The following GRM7 variants were observed in gnomAD, a reference collection of about 807,000 sequenced individuals.
GRM7 encodes glutamate metabotropic receptor 7, also known as metabotropic glutamate receptor 7.
Under a neutral mutation model 84.5 loss-of-function variants are expected in GRM7, and 35 were observed. The observed-to-expected ratio is 0.41, with a 90% CI of 0.32 to 0.55. The LOEUF (loss-of-function observed/expected upper bound fraction) is 0.55. GRM7 is among the 20% of genes least tolerant of loss of function. The pLI is 0.19. For synonymous variants in GRM7, 487 were observed against 455.1 expected (o/e 1.07, Z -0.89); for missense variants, 1,003 against 1,194.6 (o/e 0.84, Z 2.36).
intron 8 of GRM7, among the ~76,000 whole-genome samples, chr3:7,596,079 G>A (rs138611581): frequency 6.6e-5 from 10 of 152,216 alleles, no homozygotes; most frequent in Non-Finnish European, 1.5e-4. Context: ...GCCTGGGCTG[G>A]AGGAATGAGT....
At chr3:7,276,058 AC>A (rs1699039284) in intron 2 of GRM7, among the ~76,000 whole-genome samples, 1 of 152,032 alleles carries the variant, frequency 6.6e-6, no homozygotes, top group South Asian at 2.1e-4. Flanking sequence ...TTGTCCCATG[AC>A]CTTACTTCTT....
intron 9 of GRM7, among the ~76,000 whole-genome samples, chr3:7,736,732 A>T (rs756933030): frequency 2.0e-5 from 3 of 152,174 alleles, no homozygotes; most frequent in Non-Finnish European, 4.4e-5. Flanking sequence ...CACCTGAATC[A>T]AGATGTCAGT....
intron 9 of GRM7, among the ~76,000 whole-genome samples, chr3:7,713,119 G>T (rs7631498): frequency 0.078 from 4,288 of 55,162 alleles, 150 homozygotes; most frequent in African/African-American, 0.15. Context: ...TTCGAATTTT[G>T]TTTTGTTTTT....
At chr3:6,905,326 G>T (rs1231367403) in intron 1 of GRM7, among the ~76,000 whole-genome samples, 1 of 152,080 alleles carries the variant, frequency 6.6e-6, no homozygotes, top group African/African-American at 2.4e-5. Context: ...TTTGTTATAT[G>T]AAGCTCTGTA....
intron 4 of GRM7, among the ~76,000 whole-genome samples, chr3:7,395,857 C>T (rs987097003): frequency 2.0e-5 from 3 of 152,050 alleles, no homozygotes; most frequent in Non-Finnish European, 2.9e-5. Flanking sequence ...TGTAGGAAGA[C>T]TGTAGTTAAT....
At chr3:7,411,798 C>G (rs137943422) in intron 4 of GRM7, among the ~76,000 whole-genome samples, 57 of 152,260 alleles carry the variant, frequency 3.7e-4, no homozygotes, top group African/African-American at 1.3e-3. Context: ...TGTAAACTTT[C>G]TCTAGTGCAT....
intron 9 of GRM7, among the ~76,000 whole-genome samples, chr3:7,727,082 T>A (rs1341239343): frequency 6.6e-6 from 1 of 152,156 alleles, no homozygotes; most frequent in Non-Finnish European, 1.5e-5. Flanking sequence ...ACTCACAATT[T>A]TCAAACATGT....
intron 1 of GRM7, among the ~76,000 whole-genome samples, chr3:6,886,493 A>C (rs73015894): frequency 0.074 from 11,234 of 152,224 alleles, 560 homozygotes; most frequent in Non-Finnish European, 0.11. Flanking sequence ...TTAAAGTATA[A>C]TAATAGTAAA....
intron 8 of GRM7, among the ~76,000 whole-genome samples, chr3:7,668,242 C>T (rs752858029): frequency 1.1e-4 from 16 of 152,154 alleles, no homozygotes; most frequent in Non-Finnish European, 2.1e-4. Context: ...CACCGAGTAC[C>T]TTTTGCCTTT....
chr3:7,556,940 G>T (rs1693793480), intron 7 of GRM7, among the ~76,000 whole-genome samples: 1 of 152,208 alleles, frequency 6.6e-6, no homozygotes, highest in South Asian at 2.1e-4. Context: ...TCATAGGATT[G>T]CAGCATGTGG....
At chr3:6,918,840 C>G (rs1241406358) in intron 1 of GRM7, among the ~76,000 whole-genome samples, 2 of 152,170 alleles carry the variant, frequency 1.3e-5, no homozygotes, top group Non-Finnish European at 2.9e-5. Flanking sequence ...TTTGGACATA[C>G]TGCACTTCCA....
At chr3:7,161,422 G>GAAAAAAAAA (rs75862127) in intron 2 of GRM7, among the ~76,000 whole-genome samples, 1 of 134,746 alleles carries the variant, frequency 7.4e-6, no homozygotes. Context: ...GTAATGACCT[G>GAAAAAAAAA]AAAAAAAAAA....
intron 7 of GRM7, among the ~76,000 whole-genome samples, chr3:7,501,940 A>G (rs553335711): frequency 1.3e-5 from 2 of 152,294 alleles, no homozygotes; most frequent in South Asian, 2.1e-4. Flanking sequence ...TTTCTATCCT[A>G]CGCAAGAATT....
At chr3:7,322,531 G>T (rs748857775) in intron 4 of GRM7, among the ~76,000 whole-genome samples, 1 of 151,818 alleles carries the variant, frequency 6.6e-6, no homozygotes, top group African/African-American at 2.4e-5. Context: ...TACCTAATGT[G>T]TATTCTTTTA....
At chr3:7,737,604 T>C (rs994035115) in intron 9 of GRM7, among the ~76,000 whole-genome samples, 2 of 152,130 alleles carry the variant, frequency 1.3e-5, no homozygotes, top group African/African-American at 2.4e-5. Context: ...ATAAACCTAA[T>C]ACATTGGACA....
intron 1 of GRM7, among the ~76,000 whole-genome samples, chr3:7,125,182 C>T (rs759479083): frequency 3.9e-5 from 6 of 152,058 alleles, no homozygotes; most frequent in African/African-American, 7.2e-5. Context: ...TCAAGTGTTC[C>T]GCCTCTCTTG....
chr3:7,357,152 T>C (rs1693445330), intron 4 of GRM7, among the ~76,000 whole-genome samples: 1 of 151,840 alleles, frequency 6.6e-6, no homozygotes, highest in African/African-American at 2.4e-5. Flanking sequence ...AAATGGCAAC[T>C]AGGACTATAA....
chr3:7,000,362 T>C (rs1006986248), intron 1 of GRM7, among the ~76,000 whole-genome samples: 1 of 151,924 alleles, frequency 6.6e-6, no homozygotes, highest in African/African-American at 2.4e-5. Context: ...TTTATTTTAT[T>C]TTTTAGTAGA....
chr3:7,641,059 A>ACTCG (rs1233860780), intron 8 of GRM7, among the ~76,000 whole-genome samples: 31 of 152,330 alleles, frequency 2.0e-4, no homozygotes, highest in African/African-American at 5.5e-4. Flanking sequence ...TTGTTGACTC[A>ACTCG]ATCTAAACTG....
Sources: allele counts gnomAD v4.1 joint callset (sites outside exome capture counted in the v4.1 genomes callset), GRCh38; gene constraint gnomAD v4.1.1; transcripts MANE v1.5; gene names NCBI Gene and HGNC (gene_info 2026-07-23, HGNC 2026-07-21).